TSHZ2: variants seen among roughly 807,000 people sequenced by gnomAD.
TSHZ2 encodes the protein teashirt homolog 2.
Under a neutral mutation model 74.4 loss-of-function variants are expected in TSHZ2, and 21 were observed. The ratio of observed to expected loss-of-function variants is 0.28; its 90% confidence interval spans 0.20 to 0.41. The LOEUF (loss-of-function observed/expected upper bound fraction) is 0.41, where lower values mean the gene tolerates loss of function less well. TSHZ2 is among the 10% of genes least tolerant of loss of function. The pLI is 1.00. For synonymous variants in TSHZ2, 540 were observed against 515.3 expected (o/e 1.05, Z -0.65); for missense variants, 1,244 against 1,293.5 (o/e 0.96, Z 0.59).
At chr20:53,340,009 T>A (rs1263205422) in intron 2 of TSHZ2, among the ~76,000 whole-genome samples, 1 of 152,116 alleles carries the variant, frequency 6.6e-6, no homozygotes, top group Non-Finnish European at 1.5e-5. Context: ...TTGTCTGAGT[T>A]GTCTCAAGAA....
Position 53,256,225 on chromosome 20 carries a change from C to T in TSHZ2, c.2767C>T (p.His923Tyr). 1 of 1,613,702 alleles carries T rather than the reference C, an allele frequency of 6.2e-7. No individual in the cohort carries two copies. The highest frequency in any genetic ancestry group is 8.5e-7 in the Non-Finnish European group (1 of 1,179,706). ...ATTTCTGAAAAACATGGACAAAGGCCACCCCATCTTTTATTGCAGTGACTG... is the reference window on the plus strand; with the variant it reads ...ATTTCTGAAAAACATGGACAAAGGCTACCCCATCTTTTATTGCAGTGACTG... ...TKFLKNMDKG[H>Y]PIFYCSDCAS... The change falls in exon 2 of 3, where the codon CAC (histidine) becomes TAC (tyrosine). Residue 923 changes from histidine (H) to tyrosine (Y), a missense_variant. By Grantham distance (83) the His-to-Tyr change is moderately conservative. Transcript: ENST00000371497. The surrounding 1 kb of genome is among the most constrained non-coding windows in gnomAD (Gnocchi z 4.3).
At chr20:53,357,455 A>G (rs1474431571) in intron 2 of TSHZ2, among the ~76,000 whole-genome samples, 1 of 152,158 alleles carries the variant, frequency 6.6e-6, no homozygotes, top group African/African-American at 2.4e-5. Flanking sequence ...ACTTGAGCCC[A>G]GGAGTTCAAG....
At chr20:53,241,864 G>C (rs1990078687) in intron 1 of TSHZ2, among the ~76,000 whole-genome samples, 1 of 152,156 alleles carries the variant, frequency 6.6e-6, no homozygotes, top group Non-Finnish European at 1.5e-5. Flanking sequence ...TTTGAACCCA[G>C]GTGGGCTTGC....
chr20:53,332,727 T>C (rs1979775811), intron 2 of TSHZ2, among the ~76,000 whole-genome samples: 1 of 152,160 alleles, frequency 6.6e-6, no homozygotes, highest in Non-Finnish European at 1.5e-5. Flanking sequence ...ACTTTTTCCT[T>C]TTCTTGTGTA....
chr20:53,255,218 T>C lies in TSHZ2; in HGVS notation c.1760T>C (p.Leu587Pro). The change falls in exon 2 of 3, where the codon CTG becomes CCG. Residue 587 changes from leucine to proline, a missense_variant. Physicochemically the swap from Leu to Pro is moderately conservative, Grantham distance 98. Transcript: ENST00000371497. This position sits in a 1 kb window ranked among gnomAD's most constrained non-coding sequence, Gnocchi z 4.1. ...PIAPKWKVMPLVSMPTHLAPY... is the reference protein window; with the variant it reads ...PIAPKWKVMPPVSMPTHLAPY... ...GCACCAAAGTGGAAAGTGATGCCAC[T>C]GGTTTCTATGCCCACACACCTGGCC... is the stretch of plus-strand genomic sequence containing the variant. 6.2e-7 allele frequency: 1 copy of C among 1,614,204 alleles called. No individual in the cohort carries two copies.
At chr20:53,180,550 A>G (rs1988443335) in intron 1 of TSHZ2, among the ~76,000 whole-genome samples, 1 of 152,150 alleles carries the variant, frequency 6.6e-6, no homozygotes, top group South Asian at 2.1e-4. Context: ...TCAGTCTTGC[A>G]TGCTCAGGAT....
intron 1 of TSHZ2, among the ~76,000 whole-genome samples, chr20:53,125,265 G>A (rs528005201): frequency 6.6e-5 from 10 of 152,242 alleles, no homozygotes; most frequent in South Asian, 2.1e-4. Context: ...GTGAAAGGCC[G>A]TAGAGGAGAG....
chr20:53,391,332 A>G (rs1227129887), intron 2 of TSHZ2, among the ~76,000 whole-genome samples: 1 of 152,120 alleles, frequency 6.6e-6, no homozygotes, highest in Non-Finnish European at 1.5e-5. Context: ...TTTTTAATAG[A>G]GACGGGGTTT....
chr20:53,233,104 G>T (rs1205038168), intron 1 of TSHZ2, among the ~76,000 whole-genome samples: 1 of 152,136 alleles, frequency 6.6e-6, no homozygotes, highest in Non-Finnish European at 1.5e-5. Flanking sequence ...GCTTCCAACT[G>T]CCCCCTGGCA....
chr20:53,008,499 C>T (rs1031433760), intron 1 of TSHZ2, among the ~76,000 whole-genome samples: 2 of 151,018 alleles, frequency 1.3e-5, no homozygotes, highest in African/African-American at 2.4e-5. Flanking sequence ...GAAAAGAGAA[C>T]TTTGGGGGAT....
intron 1 of TSHZ2, among the ~76,000 whole-genome samples, chr20:53,247,507 C>G (rs1990235141): frequency 6.6e-6 from 1 of 152,224 alleles, no homozygotes; most frequent in African/African-American, 2.4e-5. Context: ...CTTTACTCAG[C>G]CTGCCAACAT....
intron 2 of TSHZ2, among the ~76,000 whole-genome samples, chr20:53,374,724 T>C (rs921695581): frequency 2.0e-5 from 3 of 152,152 alleles, no homozygotes; most frequent in Admixed American, 6.5e-5. Flanking sequence ...TGGGTTTGAT[T>C]TGCGTTTCCC....
Position 53,389,243 on chromosome 20 carries a change from A to G in TSHZ2, c.*9-97901A>G, listed in dbSNP as rs549028432. 2.6e-4 allele frequency among the ~76,000 whole-genome samples: 39 copies of G among 152,304 alleles called. 2 individuals are homozygous for G. The South Asian group carries it at 8.1e-3, about 32-fold the overall frequency. The stretch of plus-strand genomic sequence containing the variant: ...CATCAGCACTCGTAAAAATGACCAA[A>G]CAGAGTTAACTCTGCAATATCATTC... On this transcript the variant is annotated intron_variant, in intron 2 of 2. Coordinates refer to ENST00000371497, the MANE Select transcript of TSHZ2 (RefSeq NM_173485.6).
intron 2 of TSHZ2, among the ~76,000 whole-genome samples, chr20:53,370,195 C>A (rs1445338820): frequency 2.0e-5 from 3 of 152,018 alleles, no homozygotes; most frequent in African/African-American, 7.2e-5. Context: ...ATTCAGAGAG[C>A]AGCTTTAAAG....
intron 1 of TSHZ2, among the ~76,000 whole-genome samples, chr20:53,017,177 CA>C (rs1308177837): frequency 4.6e-5 from 7 of 152,184 alleles, no homozygotes; most frequent in African/African-American, 1.7e-4. Context: ...TGAATTTTCA[CA>C]ACAGCTCTGT....
chr20:53,255,189 C>T lies in TSHZ2; in HGVS notation c.1731C>T (p.Pro577=). The part of the protein sequence containing the change: ...IRPNLTNKLR[P]IAPKWKVMPL... ...CTAATCTCACCAACAAGCTGAGGCC[C>T]ATTGCACCAAAGTGGAAAGTGATGC... The change falls in exon 2 of 3, where the codon CCC becomes CCT. Residue 577 remains proline, a synonymous_variant. Transcript: ENST00000371497. The surrounding 1 kb of genome is among the most constrained non-coding windows in gnomAD (Gnocchi z 4.1). 1 of 1,614,166 alleles carries T rather than the reference C, an allele frequency of 6.2e-7. No homozygotes were observed. Among genetic ancestry groups the T allele is most frequent in the Non-Finnish European group, 8.5e-7 (1 of 1,180,042 alleles).
chr20:53,357,658 C>A (rs1469336256), intron 2 of TSHZ2, among the ~76,000 whole-genome samples: 1 of 152,032 alleles, frequency 6.6e-6, no homozygotes, highest in African/African-American at 2.4e-5. Context: ...TGTGATTATC[C>A]ACTTTAAGAA....
chr20:53,410,531 G>A (rs1983015032), intron 2 of TSHZ2, among the ~76,000 whole-genome samples: 1 of 151,246 alleles, frequency 6.6e-6, no homozygotes, highest in Non-Finnish European at 1.5e-5. Context: ...TAACTCTCTG[G>A]GCTTGGCATA....
chr20:53,358,991 G>T (rs1980954107), intron 2 of TSHZ2, among the ~76,000 whole-genome samples: 1 of 152,148 alleles, frequency 6.6e-6, no homozygotes, highest in Admixed American at 6.5e-5. Context: ...CTAAGAAAGA[G>T]TAATATGAAC....
Sources: gnomAD v4.1 joint callset for allele counts (sites outside exome capture counted in the v4.1 genomes callset) on GRCh38, gnomAD v4.1.1 for gene constraint, Gnocchi (gnomAD v3.1) non-coding constraint, MANE v1.5 for transcripts, NCBI Gene and HGNC (gene_info 2026-07-23, HGNC 2026-07-21) for gene names.